The following TINAG variants were observed in gnomAD, a reference collection of about 807,000 sequenced individuals.
TINAG encodes tubulointerstitial nephritis antigen.
Under a neutral mutation model 72.7 loss-of-function variants are expected in TINAG, and 83 were observed. That is an observed-to-expected ratio of 1.14 (90% CI 0.96 to 1.37). The LOEUF (loss-of-function observed/expected upper bound fraction) is 1.37. Among genes scored for constraint, TINAG ranks in the 40% most tolerant of loss-of-function variants. The pLI is 0.00. For missense variants in TINAG, 685 were observed against 576.6 expected (o/e 1.19, Z -1.93); for synonymous variants, 234 against 189.9 (o/e 1.23, Z -1.91).
At chr6:54,335,027 G>A (rs1784827330) in intron 4 of TINAG, among the ~76,000 whole-genome samples, 1 of 152,038 alleles carries the variant, frequency 6.6e-6, no homozygotes, top group Non-Finnish European at 1.5e-5. Context: ...TAAGAAAAGA[G>A]GACAGACCTT....
chr6:54,322,684 C>T (rs75683912), intron 3 of TINAG, among the ~76,000 whole-genome samples: 2,616 of 152,162 alleles, frequency 0.017, 74 homozygotes, highest in African/African-American at 0.058. Flanking sequence ...TAGAAAGTCA[C>T]ATTTGTTGAT....
intron 9 of TINAG, among the ~76,000 whole-genome samples, chr6:54,358,978 G>A (rs1200100755): frequency 1.4e-4 from 22 of 151,826 alleles, no homozygotes; most frequent in Admixed American, 1.4e-3. Flanking sequence ...TTCAGGTCCA[G>A]TGGTGCAGGG....
At chr6:54,322,258 A>G (rs1182402144) in intron 3 of TINAG, among the ~76,000 whole-genome samples, 1 of 152,130 alleles carries the variant, frequency 6.6e-6, no homozygotes, top group African/African-American at 2.4e-5. Flanking sequence ...CAGTGAGCCG[A>G]GATTGCGCCA....
rs9464057 is a variant in TINAG, at chr6:54,349,694, C to T, written c.900-22C>T. ...GACATTCTCCTAAATATTACCTTTG[C>T]TTCTTTGCTTATTCCTCATAGACTG... On this transcript the variant is annotated intron_variant, in intron 6 of 10. Coordinates refer to ENST00000259782, the MANE Select transcript of TINAG (RefSeq NM_014464.4). 2,608 of 1,513,388 alleles carry T rather than the reference C, an allele frequency of 1.7e-3. 39 individuals carry two copies. The African/African-American group carries it at 0.032, about 19-fold the overall frequency. The allele number at this position is 1,513,388 out of a possible 1,614,324, so 93.7% of individuals were successfully genotyped here.
chr6:54,331,233 G>A (rs1042240944), intron 4 of TINAG, among the ~76,000 whole-genome samples: 1 of 152,110 alleles, frequency 6.6e-6, no homozygotes, highest in Non-Finnish European at 1.5e-5. Context: ...ACTGAATCCA[G>A]CAGCACATTA....
intron 3 of TINAG, 24 bp from the exon 4 acceptor site, chr6:54,326,778 A>AT: frequency 6.5e-7 from 1 of 1,542,164 alleles, no homozygotes; most frequent in Non-Finnish European, 8.8e-7. Flanking sequence ...ATTTTTCTAT[A>AT]TTTTTCTCTC....
chr6:54,323,091 C>T (rs577330278), intron 3 of TINAG, among the ~76,000 whole-genome samples: 1 of 152,304 alleles, frequency 6.6e-6, no homozygotes, highest in East Asian at 1.9e-4. Context: ...TAATATCTTC[C>T]TTGGAAGGAG....
chr6:54,359,764 G>C (rs777328767), intron 9 of TINAG, among the ~76,000 whole-genome samples: 4 of 151,714 alleles, frequency 2.6e-5, no homozygotes, highest in Non-Finnish European at 4.4e-5. Context: ...CCTGAGCATT[G>C]GTAGGTGCCC....
chr6:54,314,048 G>A (rs141196557), intron 1 of TINAG, among the ~76,000 whole-genome samples: 1 of 152,216 alleles, frequency 6.6e-6, no homozygotes, highest in African/African-American at 2.4e-5. Flanking sequence ...TTAGGTATGC[G>A]AAACAATTAA....
At chr6:54,319,773 C>G (rs1310674453) in intron 1 of TINAG, among the ~76,000 whole-genome samples, 1 of 152,044 alleles carries the variant, frequency 6.6e-6, no homozygotes, top group Non-Finnish European at 1.5e-5. Context: ...GCATAAAATA[C>G]CAATTACATG....
intron 10 of TINAG, 37 bp downstream of exon 10, chr6:54,380,608 G>C: frequency 6.4e-7 from 1 of 1,559,526 alleles, no homozygotes; most frequent in African/African-American, 1.4e-5. Context: ...CTGCTGTGAA[G>C]TGAATATGTT....
intron 10 of TINAG, among the ~76,000 whole-genome samples, chr6:54,383,079 C>T (rs1487290037): frequency 1.3e-5 from 2 of 152,144 alleles, no homozygotes; most frequent in African/African-American, 2.4e-5. Context: ...TGTCTCTGCT[C>T]TCTTTGAGCC....
intron 9 of TINAG, among the ~76,000 whole-genome samples, chr6:54,358,243 C>T (rs1763115786): frequency 6.6e-6 from 1 of 151,704 alleles, no homozygotes; most frequent in Admixed American, 6.6e-5. Flanking sequence ...CCCCTACCTG[C>T]TTTATTTTTA....
chr6:54,348,425 T>C (rs2150958663), intron 6 of TINAG, among the ~76,000 whole-genome samples: 1 of 152,218 alleles, frequency 6.6e-6, no homozygotes, highest in African/African-American at 2.4e-5. Flanking sequence ...TGACTAAATC[T>C]CATTGTATTG....
intron 6 of TINAG, among the ~76,000 whole-genome samples, chr6:54,349,110 T>A (rs1785199695): frequency 6.6e-6 from 1 of 151,902 alleles, no homozygotes; most frequent in African/African-American, 2.4e-5. Context: ...ATAATACACA[T>A]GTCTGATAGT....
intron 9 of TINAG, among the ~76,000 whole-genome samples, chr6:54,357,471 T>A (rs980983464): frequency 1.3e-5 from 2 of 151,944 alleles, no homozygotes; most frequent in Non-Finnish European, 2.9e-5. Flanking sequence ...AGGGAGTAAA[T>A]GCTTCAAATT....
rs779826307 is a variant in TINAG at position 54,349,903 on chromosome 6, A to G, written c.1080+7A>G. The G allele has an allele frequency of 2.0e-6, 3 of 1,527,630 alleles. No individual in the cohort carries two copies. The highest frequency in any genetic ancestry group is 1.7e-4 in the Middle Eastern group (1 of 5,738). 94.6% of individuals were successfully genotyped at this position (1,527,630 alleles called of 1,614,324 possible). A position where few individuals can be genotyped will look rare whatever the true frequency, so the allele number is the denominator to read the frequency against. On this transcript the variant is annotated splice_region_variant and intron_variant, in intron 7 of 10. Transcript: ENST00000259782. ...ATACAGAGTCTCTTCCAACGTAAGT[A>G]TAAATGGCAAGAATCAAGAATAGTT...
intron 9 of TINAG, among the ~76,000 whole-genome samples, chr6:54,368,372 A>G (rs1399964086): frequency 1.3e-5 from 2 of 148,170 alleles, no homozygotes; most frequent in Non-Finnish European, 3.0e-5. Flanking sequence ...AAATCATTAT[A>G]TTAATTATTA....
chr6:54,336,642 T>C (rs1184510023), intron 4 of TINAG, among the ~76,000 whole-genome samples: 1 of 152,206 alleles, frequency 6.6e-6, no homozygotes, highest in Non-Finnish European at 1.5e-5. Flanking sequence ...TTCATTTGTA[T>C]GCTTGGCTCC....
Sources: allele counts gnomAD v4.1 joint callset (sites outside exome capture counted in the v4.1 genomes callset), GRCh38; gene constraint gnomAD v4.1.1; transcripts MANE v1.5; gene names NCBI Gene and HGNC (gene_info 2026-07-23, HGNC 2026-07-21).